The following FOXN2 variants were observed in gnomAD, a reference collection of about 807,000 sequenced individuals.
The protein encoded by FOXN2 is forkhead box protein N2.
FOXN2 carries 19 observed loss-of-function variants against 41.2 expected under a neutral mutation model. The ratio of observed to expected loss-of-function variants is 0.46; its 90% CI spans 0.32 to 0.68. FOXN2 has a LOEUF of 0.68. Among genes scored for constraint, FOXN2 ranks in the 30% least tolerant of loss-of-function variants. The pLI is 0.03. For missense variants in FOXN2, 587 were observed against 509.4 expected, an observed-to-expected ratio of 1.15 and a Z score of -1.47; for synonymous variants, 195 against 176.8, an observed-to-expected ratio of 1.10 and a Z score of -0.82.
At chr2:48,342,592 G>A (rs576958433) in intron 2 of FOXN2, among the ~76,000 whole-genome samples, 1 of 151,830 alleles carries the variant, frequency 6.6e-6, no homozygotes, top group African/African-American at 2.4e-5. Context: ...TTTAATTTAT[G>A]TATTTGTTTG....
chr2:48,373,102 C>A (rs1673015995), intron 5 of FOXN2, among the ~76,000 whole-genome samples, 190 bp from the exon 6 acceptor site: 1 of 151,994 alleles, frequency 6.6e-6, no homozygotes, highest in South Asian at 2.1e-4. Context: ...AAAACTGTTT[C>A]GTGATTTTAA....
At chr2:48,368,700 G>A (rs1289707592) in intron 5 of FOXN2, among the ~76,000 whole-genome samples, 9 of 152,044 alleles carry the variant, frequency 5.9e-5, no homozygotes, top group African/African-American at 2.2e-4. Context: ...GATAAATAAC[G>A]AACGAATCAA....
chr2:48,352,857 C>T (rs1454370516), intron 3 of FOXN2, among the ~76,000 whole-genome samples: 2 of 151,984 alleles, frequency 1.3e-5, no homozygotes, highest in African/African-American at 4.8e-5. Context: ...CCTGTCAAAG[C>T]CAGGGGTTAG....
At chr2:48,355,738 G>C (rs1671752968) in intron 3 of FOXN2, among the ~76,000 whole-genome samples, 1 of 152,146 alleles carries the variant, frequency 6.6e-6, no homozygotes, top group Admixed American at 6.5e-5. Flanking sequence ...ATAGGAGGCA[G>C]AATGGCAAGG....
chr2:48,354,603 A>G (rs58548579), intron 3 of FOXN2, among the ~76,000 whole-genome samples: 1 of 152,192 alleles, frequency 6.6e-6, no homozygotes, highest in Non-Finnish European at 1.5e-5. Context: ...CGTCTCAAAA[A>G]CAAAAAAAAG....
At chr2:48,365,481 G>T (rs1185991713) in intron 5 of FOXN2, among the ~76,000 whole-genome samples, 1 of 152,148 alleles carries the variant, frequency 6.6e-6, no homozygotes, top group Non-Finnish European at 1.5e-5. Context: ...GTGAATTCTG[G>T]AGTTTACTTA....
At chr2:48,373,889 T>C (rs896618122) in intron 6 of FOXN2, among the ~76,000 whole-genome samples, 1 of 152,030 alleles carries the variant, frequency 6.6e-6, no homozygotes, top group Non-Finnish European at 1.5e-5. Flanking sequence ...ACTCCATCTC[T>C]ACAAGAAATA....
At position 48,359,087 on chromosome 2, in the gene FOXN2, A is replaced by G. The variant is rs781036306; in HGVS notation, c.578A>G (p.Tyr193Cys). 2 of 1,613,676 alleles carry G rather than the reference A, an allele frequency of 1.2e-6. No individual in the cohort carries two copies. The highest frequency in any genetic ancestry group is 1.7e-6 in the Non-Finnish European group (2 of 1,179,800). ...KGSLWCVDPE[Y>C]KPNLIQALKK... ...TCCTTATGGTGTGTTGATCCGGAAT[A>G]TAAACCCAATCTTATCCAGGCACTG... Residue 193 changes from tyrosine to cysteine, a missense_variant, in exon 4 of 7, where the codon TAT becomes TGT. Transcript: ENST00000340553.
Position 48,329,837 on chromosome 2 carries a change from C to CT in FOXN2, c.-15+1143dup, listed in dbSNP as rs1281954798. ...TTGTGAGTTCCTTCCTTTTATATGC[C>CT]TTTTTTTTCCTTACATGAGGTTTAC... On this transcript the variant is annotated intron_variant, in intron 2 of 6. Coordinates refer to ENST00000340553, the MANE Select transcript of FOXN2 (RefSeq NM_002158.4). 1.1e-4 allele frequency among the ~76,000 whole-genome samples: 16 copies of CT among 151,398 alleles called. 2 individuals are homozygous for CT. The East Asian group carries it at 1.4e-3, about 13-fold the overall frequency.
chr2:48,358,805 A>G (rs1671972891), intron 3 of FOXN2, among the ~76,000 whole-genome samples: 1 of 152,230 alleles, frequency 6.6e-6, no homozygotes, highest in Non-Finnish European at 1.5e-5. Context: ...AAGGCATAAT[A>G]TAAAACCAGA....
At chr2:48,349,047 T>C (rs1671287492) in intron 3 of FOXN2, among the ~76,000 whole-genome samples, 2 of 152,192 alleles carry the variant, frequency 1.3e-5, no homozygotes. Flanking sequence ...GAGCAGACAG[T>C]CTCTCCATCT....
At chr2:48,368,458 A>G (rs1672671059) in intron 5 of FOXN2, among the ~76,000 whole-genome samples, 1 of 152,110 alleles carries the variant, frequency 6.6e-6, no homozygotes, top group Non-Finnish European at 1.5e-5. Context: ...ATCCCTCAGG[A>G]GTTCAAGACC....
At chr2:48,352,841 A>C (rs1354363261) in intron 3 of FOXN2, among the ~76,000 whole-genome samples, 1 of 152,192 alleles carries the variant, frequency 6.6e-6, no homozygotes, top group East Asian at 1.9e-4. Flanking sequence ...ATCCTGGTCT[A>C]GAAAGCCTGT....
intron 3 of FOXN2, among the ~76,000 whole-genome samples, chr2:48,358,111 TC>T (rs1671928066): frequency 6.6e-6 from 1 of 152,080 alleles, no homozygotes; most frequent in Non-Finnish European, 1.5e-5. Context: ...ATTAATTTTA[TC>T]CCGTTTTTTT....
intron 3 of FOXN2, 151 bp downstream of exon 3, chr2:48,346,902 A>G: frequency 1.6e-6 from 1 of 629,912 alleles, no homozygotes; most frequent in Non-Finnish European, 2.5e-6. Flanking sequence ...TTCACTTGAG[A>G]TGTTTTAAAA....
At chr2:48,366,035 A>G (rs1008321337) in intron 5 of FOXN2, among the ~76,000 whole-genome samples, 1 of 152,138 alleles carries the variant, frequency 6.6e-6, no homozygotes, top group Admixed American at 6.6e-5. Flanking sequence ...ATATGCATAG[A>G]TGAGAGACCC....
chr2:48,369,447 A>G (rs1672744145), intron 5 of FOXN2, among the ~76,000 whole-genome samples: 1 of 152,220 alleles, frequency 6.6e-6, no homozygotes, highest in Admixed American at 6.5e-5. Flanking sequence ...CTGAGGCAGT[A>G]GAATCACTTG....
intron 5 of FOXN2, among the ~76,000 whole-genome samples, 159 bp downstream of exon 5, chr2:48,362,866 A>G (rs1672284475): frequency 6.6e-6 from 1 of 152,168 alleles, no homozygotes; most frequent in Admixed American, 6.6e-5. Flanking sequence ...GGCACAACGC[A>G]TTTACTGAAG....
intron 5 of FOXN2, among the ~76,000 whole-genome samples, chr2:48,363,814 A>C (rs1343832694): frequency 6.6e-6 from 1 of 152,252 alleles, no homozygotes; most frequent in African/African-American, 2.4e-5. Context: ...GTAGTAGGCT[A>C]TACCATTTAG....
Sources: allele counts gnomAD v4.1 joint callset (sites outside exome capture counted in the v4.1 genomes callset), GRCh38; gene constraint gnomAD v4.1.1; transcripts MANE v1.5; gene names NCBI Gene and HGNC (gene_info 2026-07-23, HGNC 2026-07-21).